The following SORCS3 variants were observed in gnomAD, a reference collection of about 807,000 sequenced individuals.
SORCS3 encodes the protein VPS10 domain-containing receptor SorCS3.
A neutral mutation model predicts 146.3 loss-of-function variants in SORCS3; 57 were observed. The observed-to-expected ratio is 0.39, with a 90% confidence interval of 0.31 to 0.49. The LOEUF (loss-of-function observed/expected upper bound fraction) is 0.49, where lower values mean the gene tolerates loss of function less well. SORCS3 is among the 20% of genes least tolerant of loss of function. SORCS3 has a pLI of 0.92. For missense variants in SORCS3, 1,341 were observed against 1,575.5 expected (o/e 0.85, Z 2.52); for synonymous variants, 653 against 618.5 (o/e 1.06, Z -0.83).
chr10:105,091,787 G>C (rs1356539276), intron 6 of SORCS3, among the ~76,000 whole-genome samples: 3 of 152,172 alleles, frequency 2.0e-5, no homozygotes, highest in Non-Finnish European at 4.4e-5. Flanking sequence ...AAGAAACTGG[G>C]AGAAGAATGA....
intron 1 of SORCS3, among the ~76,000 whole-genome samples, chr10:104,675,374 A>G (rs953031365): frequency 6.6e-6 from 1 of 152,110 alleles, no homozygotes; most frequent in African/African-American, 2.4e-5. Flanking sequence ...TTTATTGTAG[A>G]TATCTTCTTA....
intron 1 of SORCS3, among the ~76,000 whole-genome samples, chr10:104,680,761 G>A (rs2015961338): frequency 6.6e-6 from 1 of 152,252 alleles, no homozygotes; most frequent in South Asian, 2.1e-4. Flanking sequence ...TGACTTCCAG[G>A]TTCTCTGGAG....
chr10:104,747,353 T>G (rs907592006), intron 1 of SORCS3, among the ~76,000 whole-genome samples: 1 of 152,186 alleles, frequency 6.6e-6, no homozygotes, highest in Non-Finnish European at 1.5e-5. Context: ...TTGTTGAGCA[T>G]ATTGGGAATG....
At position 104,749,953 on chromosome 10, in the gene SORCS3, A is replaced by C. The variant is rs1589484338; in HGVS notation, c.628-92839A>C. 2.0e-5 allele frequency among the ~76,000 whole-genome samples: 3 copies of C among 152,334 alleles called. No homozygotes were observed. In the South Asian group the frequency reaches 6.2e-4, roughly 32 times the overall value. ...ATGAAAATGAGCATTATTCTTTGAAAACCAACAAATGATAAAAATTAAATT... is the reference window on the plus strand; with the variant it reads ...ATGAAAATGAGCATTATTCTTTGAACACCAACAAATGATAAAAATTAAATT... On this transcript the variant is annotated intron_variant, in intron 1 of 26. Transcript: ENST00000369701.
In SORCS3 at chr10:105,256,891, G is replaced by C; in HGVS notation, c.3410G>C (p.Gly1137Ala). Residue 1137 changes from glycine to alanine, a missense_variant, in exon 25 of 27, where the codon GGC becomes GCC. Transcript: ENST00000369701. ...MLMLLSVVFVGLAVFLIYKFK... is the reference protein window; with the variant it reads ...MLMLLSVVFVALAVFLIYKFK... ...ATGCTATTATCAGTGGTATTTGTTG[G>C]CCTGGCTGTGTTTTTGATCTACAAG... 6.2e-7 allele frequency: 1 copy of C among 1,614,122 alleles called. No homozygotes were observed. Among genetic ancestry groups the C allele is most frequent in the Non-Finnish European group, 8.5e-7 (1 of 1,179,978 alleles).
At chr10:104,975,351 A>G (rs1203295939) in intron 3 of SORCS3, among the ~76,000 whole-genome samples, 1 of 152,074 alleles carries the variant, frequency 6.6e-6, no homozygotes, top group African/African-American at 2.4e-5. Context: ...TCCAACTTAC[A>G]AGGGATGTGA....
chr10:104,721,760 A>G (rs2016552571), intron 1 of SORCS3, among the ~76,000 whole-genome samples: 1 of 152,024 alleles, frequency 6.6e-6, no homozygotes, highest in African/African-American at 2.4e-5. Flanking sequence ...GAGTTCACTC[A>G]TGATTTGGCT....
intron 13 of SORCS3, among the ~76,000 whole-genome samples, chr10:105,172,544 C>T (rs4918151): frequency 0.076 from 11,636 of 152,230 alleles, 640 homozygotes; most frequent in Admixed American, 0.15. Context: ...GACATTATCC[C>T]TTTCTGGTAG....
intron 7 of SORCS3, among the ~76,000 whole-genome samples, chr10:105,116,195 A>T (rs1008967800): frequency 2.6e-5 from 4 of 152,138 alleles, no homozygotes. Context: ...TATGGAGCAT[A>T]CTCCATCTCA....
intron 1 of SORCS3, among the ~76,000 whole-genome samples, chr10:104,679,399 T>C (rs2015946255): frequency 6.6e-6 from 1 of 152,178 alleles, no homozygotes; most frequent in Non-Finnish European, 1.5e-5. Context: ...TATTACCAGA[T>C]GCTTTCTTTA....
At chr10:105,165,817 C>T (rs2056308168) in intron 12 of SORCS3, among the ~76,000 whole-genome samples, 1 of 152,130 alleles carries the variant, frequency 6.6e-6, no homozygotes, top group African/African-American at 2.4e-5. Flanking sequence ...TTCCTCCTTT[C>T]ATAAACAGCT....
chr10:104,825,479 A>G (rs950520778), intron 1 of SORCS3, among the ~76,000 whole-genome samples: 6 of 152,238 alleles, frequency 3.9e-5, no homozygotes, highest in Admixed American at 2.6e-4. Flanking sequence ...GTTAATGATC[A>G]TCTCTGGAGG....
At chr10:105,149,200 T>C (rs1055416226) in intron 9 of SORCS3, among the ~76,000 whole-genome samples, 1 of 152,162 alleles carries the variant, frequency 6.6e-6, no homozygotes, top group Non-Finnish European at 1.5e-5. Flanking sequence ...AATGGACTAA[T>C]ACACTGAGAG....
At chr10:104,894,888 C>A (rs150991138) in intron 2 of SORCS3, among the ~76,000 whole-genome samples, 1 of 152,278 alleles carries the variant, frequency 6.6e-6, no homozygotes, top group African/African-American at 2.4e-5. Context: ...GGCAACGGTT[C>A]ATTGCACAGC....
At chr10:105,242,549 T>TATTTATATA (rs2056835724) in intron 20 of SORCS3, among the ~76,000 whole-genome samples, 1 of 93,312 alleles carries the variant, frequency 1.1e-5, no homozygotes, top group Non-Finnish European at 1.8e-5. Flanking sequence ...TATTTATATA[T>TATTTATATA]TTATATACAT....
At chr10:104,826,321 G>A (rs956190766) in intron 1 of SORCS3, among the ~76,000 whole-genome samples, 22 of 152,104 alleles carry the variant, frequency 1.4e-4, no homozygotes, top group African/African-American at 5.3e-4. Flanking sequence ...TAATTAAGTT[G>A]TGATTTTGTC....
At chr10:105,136,122 G>C (rs2056057491) in intron 7 of SORCS3, among the ~76,000 whole-genome samples, 1 of 152,058 alleles carries the variant, frequency 6.6e-6, no homozygotes, top group South Asian at 2.1e-4. Flanking sequence ...ACCAATTTCT[G>C]TCTCAGACCA....
intron 1 of SORCS3, among the ~76,000 whole-genome samples, chr10:104,823,899 G>T (rs1302710375): frequency 1.3e-5 from 2 of 152,182 alleles, no homozygotes; most frequent in African/African-American, 4.8e-5. Context: ...CCTTAAATGG[G>T]GAAGAGGGAG....
chr10:105,217,140 T>C lies in SORCS3; in HGVS notation c.2734+18T>C, dbSNP rs377206312. The C allele has an allele frequency of 1.9e-6, 3 of 1,611,518 alleles. No individual in the cohort carries two copies. The East Asian group carries it at 6.7e-5, about 36-fold the overall frequency. ...TGTGGTTTGTAAGTAGGAGGCACCA[T>C]CCCCGTTTTCCCTTTGTTCCCAGTT... On this transcript the variant is annotated intron_variant, in intron 19 of 26. Coordinates refer to ENST00000369701, the MANE Select transcript of SORCS3 (RefSeq NM_014978.3).
Sources: allele counts gnomAD v4.1 joint callset (sites outside exome capture counted in the v4.1 genomes callset), GRCh38; gene constraint gnomAD v4.1.1; transcripts MANE v1.5; gene names NCBI Gene and HGNC (gene_info 2026-07-23, HGNC 2026-07-21).